The following CYRIB variants were observed in gnomAD, a reference collection of about 807,000 sequenced individuals.
CYRIB encodes the protein CYFIP related Rac1 interactor B, also known as CYFIP-related Rac1 interactor B.
CYRIB carries 8 observed loss-of-function variants against 44.2 expected under a neutral mutation model. The ratio of observed to expected loss-of-function variants is 0.18; its 90% confidence interval spans 0.11 to 0.33. The LOEUF (loss-of-function observed/expected upper bound fraction) is 0.33. CYRIB is among the 10% of genes least tolerant of loss of function. The pLI, the probability that CYRIB is intolerant of heterozygous loss-of-function variation, is 1.00. For missense variants in CYRIB, 185 were observed against 382.8 expected (o/e 0.48, Z 4.31); for synonymous variants, 131 against 127.2 (o/e 1.03, Z -0.20).
At chr8:129,894,020 T>C (rs993685088) in intron 2 of CYRIB, among the ~76,000 whole-genome samples, 2 of 152,262 alleles carry the variant, frequency 1.3e-5, no homozygotes, top group African/African-American at 4.8e-5. Context: ...AATATGTTCA[T>C]TGTAGCTATT....
rs368302180 is a variant in CYRIB at position 129,907,065 on chromosome 8, A to G, written c.-49-3715T>C. 1.8e-3 allele frequency among the ~76,000 whole-genome samples: 275 copies of G among 152,358 alleles called. 2 individuals carry two copies. The highest frequency in any genetic ancestry group is 3.0e-3 in the Non-Finnish European group (202 of 68,038). The stretch of plus-strand genomic sequence containing the variant: ...GGCGATTCCTCAGGGATCTAGAACT[A>G]GAAATACCATTTGACCCAGCCATCC... On this transcript the variant is annotated intron_variant, in intron 1 of 11. Coordinates refer to ENST00000519824, the Ensembl canonical transcript of CYRIB.
chr8:129,891,342 AT>A (rs1225302582), intron 2 of CYRIB, among the ~76,000 whole-genome samples: 4 of 152,252 alleles, frequency 2.6e-5, no homozygotes, highest in African/African-American at 9.6e-5. Flanking sequence ...CCTGGTTGGA[AT>A]TTGACTGATA....
intron 1 of CYRIB, among the ~76,000 whole-genome samples, chr8:129,978,607 A>T (rs1190361029): frequency 2.6e-5 from 4 of 152,248 alleles, no homozygotes; most frequent in Non-Finnish European, 4.4e-5. Flanking sequence ...CAATCCATTC[A>T]GAACATGTCC....
chr8:129,927,107 ACC>A (rs1393324924), intron 1 of CYRIB, among the ~76,000 whole-genome samples: 3 of 151,318 alleles, frequency 2.0e-5, no homozygotes, highest in African/African-American at 7.4e-5. Context: ...ACATGGTAAA[ACC>A]CTGTCTCTAC....
At chr8:129,846,927 T>C in intron 10 of CYRIB, 53 bp from the exon 13 acceptor site, 1 of 1,071,404 alleles carries the variant, frequency 9.3e-7, no homozygotes. Flanking sequence ...TCATGTAACA[T>C]TCCTTTTCAA....
At chr8:129,986,113 C>T (rs974891344) in intron 1 of CYRIB, among the ~76,000 whole-genome samples, 4 of 152,086 alleles carry the variant, frequency 2.6e-5, no homozygotes, top group East Asian at 1.9e-4. Context: ...GATCTGTGCC[C>T]GAGGTTAAAT....
intron 1 of CYRIB, among the ~76,000 whole-genome samples, chr8:130,006,611 T>TATATGTATATATATATAC (rs1564798006): frequency 1.2e-3 from 16 of 13,606 alleles, no homozygotes; most frequent in Non-Finnish European, 4.1e-3. Context: ...TATATACATA[T>TATATGTATATATATATAC]ATATGTGTAT....
chr8:129,873,557 A>G (rs954029635), intron 3 of CYRIB, among the ~76,000 whole-genome samples: 4 of 152,044 alleles, frequency 2.6e-5, no homozygotes, highest in African/African-American at 9.6e-5. Flanking sequence ...AACTACAGAC[A>G]TAACATCAAT....
At position 129,967,366 on chromosome 8, in the gene CYRIB, G is replaced by GTTTTGTTT. The variant is rs548023830; in HGVS notation, c.-243+3569_-243+3576dup. Among the ~76,000 whole-genome samples the GTTTTGTTT allele has an allele frequency of 3.3e-5, 5 of 150,364 alleles. No individual in the cohort carries two copies. In the East Asian group the frequency reaches 9.7e-4, roughly 29 times the overall value. ...CTTTTCTTTGGTTTTGTTTTGTTTT[G>GTTTTGTTT]TTTTGTTTTTTTGTTTTTTTGTTTT... On this transcript the variant is annotated intron_variant, in intron 2 of 14. Transcript: ENST00000401979.
chr8:130,016,634 G>T (rs1252557737), upstream of CYRIB: 2 of 149,318 alleles, frequency 1.3e-5, no homozygotes, highest in East Asian at 2.0e-4. Context: ...GCCGGCGCTC[G>T]CACAAAAGGA....
At chr8:129,851,216 G>A (rs2043073250) in intron 8 of CYRIB, 4 of 297,576 alleles carry the variant, frequency 1.3e-5, no homozygotes, top group East Asian at 8.9e-5. Context: ...GAAATAGTTG[G>A]ATTTTATCCT....
intron 1 of CYRIB, among the ~76,000 whole-genome samples, chr8:129,904,043 C>T (rs1040259248): frequency 2.0e-5 from 3 of 152,186 alleles, no homozygotes; most frequent in Admixed American, 6.5e-5. Flanking sequence ...CATCAGCCAC[C>T]ATGCCGGGCT....
At chr8:129,907,905 G>C (rs1330128378) in intron 1 of CYRIB, among the ~76,000 whole-genome samples, 1 of 152,184 alleles carries the variant, frequency 6.6e-6, no homozygotes, top group Admixed American at 6.5e-5. Context: ...GGGAAGCTGA[G>C]GCACAAGAAT....
chr8:130,015,948 GC>G (rs991055072), intron 1 of CYRIB, among the ~76,000 whole-genome samples: 2 of 152,048 alleles, frequency 1.3e-5, no homozygotes, highest in African/African-American at 4.8e-5. Context: ...GGGGGCCAGC[GC>G]TGCTCCCGGG....
At chr8:129,993,014 C>T (rs1176644995) in intron 1 of CYRIB, among the ~76,000 whole-genome samples, 1 of 152,132 alleles carries the variant, frequency 6.6e-6, no homozygotes, top group African/African-American at 2.4e-5. Context: ...AAGGTGGGGC[C>T]TACTGTGGAT....
intron 1 of CYRIB, among the ~76,000 whole-genome samples, chr8:129,933,638 GA>G (rs1264294926): frequency 6.6e-6 from 1 of 152,142 alleles, no homozygotes; most frequent in Non-Finnish European, 1.5e-5. Flanking sequence ...AGCACTTTGG[GA>G]GGCCGAGGCG....
chr8:129,898,015 C>T (rs939099960), intron 2 of CYRIB, among the ~76,000 whole-genome samples: 2 of 151,998 alleles, frequency 1.3e-5, no homozygotes, highest in African/African-American at 2.4e-5. Flanking sequence ...CCACCCGCCT[C>T]GGCCTCTCAA....
intron 5 of CYRIB, 59 bp downstream of exon 7, chr8:129,862,170 T>A: frequency 7.9e-7 from 1 of 1,267,450 alleles, no homozygotes; most frequent in Non-Finnish European, 1.1e-6. Context: ...TCTAAACTTC[T>A]GGAATGAATA....
chr8:129,939,766 G>A (rs938767597), exon 1 of CYRIB: 11 of 152,278 alleles, frequency 7.2e-5, no homozygotes, highest in African/African-American at 2.7e-4. Context: ...CTGTGGCAGA[G>A]CCGCGACAAG....
Sources: allele counts gnomAD v4.1 joint callset (sites outside exome capture counted in the v4.1 genomes callset), GRCh38; gene constraint gnomAD v4.1.1; transcripts MANE v1.5; gene names NCBI Gene and HGNC (gene_info 2026-07-23, HGNC 2026-07-21).